MAP4K1: variants seen among roughly 807,000 people sequenced by gnomAD.
MAP4K1 encodes mitogen-activated protein kinase kinase kinase kinase 1.
MAP4K1 carries 35 observed loss-of-function variants against 122.8 expected under a neutral mutation model. The observed-to-expected ratio is 0.29, with a 90% CI of 0.22 to 0.38. The LOEUF is 0.38. Among genes scored for constraint, MAP4K1 ranks in the 10% least tolerant of loss-of-function variants. The pLI, the probability that MAP4K1 is intolerant of heterozygous loss-of-function variation, is 1.00. For missense variants in MAP4K1, 791 were observed against 1,072.6 expected, an observed-to-expected ratio of 0.74 and a Z score of 3.67; for synonymous variants, 412 against 421.3, an observed-to-expected ratio of 0.98 and a Z score of 0.27.
Position 38,597,124 on chromosome 19 carries a change from G to T in MAP4K1, c.1851C>A (p.Ser617Arg), listed in dbSNP as rs1974914313. Reference sequence around the variant, plus strand: ...CACCGCACAGGAACGGGCCCCCAGAGCTCGCACCCTCCGCTGTGGCATGGG... The same window carrying T: ...CACCGCACAGGAACGGGCCCCCAGATCTCGCACCCTCCGCTGTGGCATGGG... ...CRACCVAEGA[S>R]SGGPFLCGAL... is the part of the protein sequence containing the mutation. The change falls in exon 25 of 31, where the codon AGC (serine) becomes AGA (arginine). Residue 617 changes from serine (S) to arginine (R), a missense_variant. Ser to Arg is a moderately radical substitution (Grantham distance 110). Coordinates refer to ENST00000396857, the MANE Select transcript of MAP4K1 (RefSeq NM_001042600.3). This position sits in a 1 kb window ranked among gnomAD's most constrained non-coding sequence, Gnocchi z 4.6. 1 of 1,614,064 alleles carries T rather than the reference G, an allele frequency of 6.2e-7. No homozygotes were observed.
intron 22 of MAP4K1, among the ~76,000 whole-genome samples, chr19:38,598,086 A>G (rs1974943543): frequency 6.6e-6 from 1 of 152,124 alleles, no homozygotes; most frequent in Non-Finnish European, 1.5e-5. Context: ...GCTGGAGTGC[A>G]GTGGTATAAT....
intron 20 of MAP4K1, 175 bp downstream of exon 20, chr19:38,601,266 G>C: frequency 1.7e-6 from 1 of 580,610 alleles, no homozygotes; most frequent in Admixed American, 3.4e-5. Flanking sequence ...ATGCATCTTT[G>C]ATCACCAAAT....
chr19:38,599,827 C>G (rs1975006417), intron 22 of MAP4K1, 98 bp downstream of exon 22: 1 of 1,146,528 alleles, frequency 8.7e-7, no homozygotes, highest in Admixed American at 1.7e-5. Flanking sequence ...ACCAAGCAGT[C>G]TAAGTTTTTT....
rs751933901 is a variant in MAP4K1, at chr19:38,587,712, G to A, written c.*36C>T. 1.3e-6 allele frequency: 2 copies of A among 1,500,542 alleles called. No individual in the cohort carries two copies. The highest frequency in any genetic ancestry group is 1.9e-6 in the Non-Finnish European group (2 of 1,077,226). 93.0% of individuals were successfully genotyped at this position (1,500,542 alleles called of 1,614,324 possible). A position where few individuals can be genotyped will look rare whatever the true frequency, so the allele number is the denominator to read the frequency against. On this transcript the variant is annotated 3_prime_UTR_variant, in exon 31 of 31. Coordinates refer to ENST00000396857, the MANE Select transcript of MAP4K1 (RefSeq NM_001042600.3). ...CCACTAGTGTGTCTATGGGGGAGGG[G>A]GTGCAAGGACTAGTTCCTGACACCC...
chr19:38,611,706 G>A (rs1008927374), intron 9 of MAP4K1, among the ~76,000 whole-genome samples: 2 of 152,142 alleles, frequency 1.3e-5, no homozygotes, highest in South Asian at 2.1e-4. Flanking sequence ...TTTGAGCCCC[G>A]GCATTCAAGG....
rs905375793 is a variant in MAP4K1, at chr19:38,605,349, C to A, written c.1446+60G>T. 9 of 1,297,892 alleles carry A rather than the reference C, an allele frequency of 6.9e-6. No homozygotes were observed. In the African/African-American group the frequency reaches 8.8e-5, roughly 13 times the overall value. The allele number at this position is 1,297,892 out of a possible 1,614,324, so 80.4% of individuals were successfully genotyped here. A position where few individuals can be genotyped will look rare whatever the true frequency, so the allele number is the denominator to read the frequency against. ...GTCAGTCCTGCCACCCCCTCCCCAC[C>A]CCACCAGGCATCCCCAGCCCCGTCC... On this transcript the variant is annotated intron_variant, in intron 19 of 30. Coordinates refer to ENST00000396857, the MANE Select transcript of MAP4K1 (RefSeq NM_001042600.3).
intron 30 of MAP4K1, among the ~76,000 whole-genome samples, chr19:38,591,970 C>CA (rs34002038): frequency 0.043 from 3,663 of 84,908 alleles, 92 homozygotes; most frequent in East Asian, 0.1. Context: ...GAATCCGTCT[C>CA]AAAAAAAAAA....
chr19:38,598,257 C>A (rs923575928), intron 22 of MAP4K1, among the ~76,000 whole-genome samples: 1 of 152,044 alleles, frequency 6.6e-6, no homozygotes, highest in African/African-American at 2.4e-5. Context: ...TCTCGAACTA[C>A]TGACCTCAGG....
Position 38,601,568 on chromosome 19 carries a change from A to G in MAP4K1, c.1447-43T>C, listed in dbSNP as rs536832350. ...GGGCCAGGCAGCAGATCCGGCAAAG[A>G]GAGCAGGGAACAGGAAGGGGCAGTG... On this transcript the variant is annotated intron_variant, in intron 19 of 30. Transcript: ENST00000396857. 5 of 1,481,542 alleles carry G rather than the reference A, an allele frequency of 3.4e-6. No homozygotes were observed. In the African/African-American group the frequency reaches 6.9e-5, roughly 20 times the overall value. 91.8% of individuals were successfully genotyped at this position (1,481,542 alleles called of 1,614,324 possible). A position where few individuals can be genotyped will look rare whatever the true frequency, so the allele number is the denominator to read the frequency against.
chr19:38,603,150 A>ATATACATG (rs1216625971), intron 19 of MAP4K1, among the ~76,000 whole-genome samples: 1 of 148,340 alleles, frequency 6.7e-6, no homozygotes, highest in Non-Finnish European at 1.5e-5. Context: ...ATATACACAC[A>ATATACATG]TATACATGTA....
intron 30 of MAP4K1, chr19:38,589,050 A>G (rs990322761): frequency 2.6e-5 from 4 of 152,346 alleles, no homozygotes; most frequent in Non-Finnish European, 5.9e-5. Context: ...GCCAACTAAC[A>G]CACGCAGAAG....
chr19:38,610,059 G>A (rs1472208160), intron 11 of MAP4K1, 34 bp from the exon 12 acceptor site: 7 of 1,474,464 alleles, frequency 4.7e-6, no homozygotes, highest in Non-Finnish European at 6.6e-6. Flanking sequence ...TATCCAGAGG[G>A]ATGGTGTGGA....
intron 30 of MAP4K1, among the ~76,000 whole-genome samples, chr19:38,590,394 AATATATATAT>A (rs1163055879): frequency 2.8e-3 from 49 of 17,276 alleles, no homozygotes; most frequent in East Asian, 0.012. Flanking sequence ...AAAAAAAAAA[AATATATATAT>A]ATATATATAT....
chr19:38,608,206 TG>T, intron 13 of MAP4K1, 36 bp from the exon 14 acceptor site: 8 of 1,063,690 alleles, frequency 7.5e-6, no homozygotes, highest in Non-Finnish European at 1.0e-5. Flanking sequence ...TGCTGTGAGC[TG>T]GGGGCAAGGG....
intron 11 of MAP4K1, among the ~76,000 whole-genome samples, chr19:38,610,676 A>G (rs1975471183): frequency 6.6e-6 from 1 of 152,070 alleles, no homozygotes; most frequent in South Asian, 2.1e-4. Flanking sequence ...GTGAGCCACC[A>G]TGCCCAGCCG....
At chr19:38,589,275 C>G (rs1202528085) in intron 30 of MAP4K1, 2 of 254,722 alleles carry the variant, frequency 7.9e-6, no homozygotes, top group Non-Finnish European at 1.6e-5. Context: ...TGCACTCCAG[C>G]CTGGGGGACA....
Position 38,614,615 on chromosome 19 carries a change from C to T in MAP4K1, c.314-170G>A. On this transcript the variant is annotated intron_variant, in intron 4 of 30. Coordinates refer to ENST00000396857, the MANE Select transcript of MAP4K1 (RefSeq NM_001042600.3). Reference sequence around the variant, plus strand: ...GGTGGTCAGTGACAGAAAGAGGCAGCAATGCAAATAAAAGAGGCCAATAGG... The same window carrying T: ...GGTGGTCAGTGACAGAAAGAGGCAGTAATGCAAATAAAAGAGGCCAATAGG... The T allele has an allele frequency of 1.6e-5, 11 of 695,516 alleles. No individual in the cohort carries two copies. The South Asian group carries it at 1.9e-4, about 12-fold the overall frequency. 43.1% of individuals were successfully genotyped at this position (695,516 alleles called of 1,614,324 possible).
rs1004502731 is a variant in MAP4K1 at position 38,600,893 on chromosome 19, C to T, written c.1531+548G>A. On this transcript the variant is annotated intron_variant, in intron 20 of 30. Transcript: ENST00000396857. ...TGATCTCAGCTCACTGCAACTTCCG[C>T]CCCCTGGATTCAAGCAATTATCCTG... 2.0e-5 allele frequency among the ~76,000 whole-genome samples: 3 copies of T among 151,218 alleles called. No individual in the cohort carries two copies. The Admixed American group carries it at 2.0e-4, about 10-fold the overall frequency.
rs1599723985 is a variant in MAP4K1 at position 38,617,249 on chromosome 19, A to G, written c.248+105T>C. 1 of 805,592 alleles carries G rather than the reference A, an allele frequency of 1.2e-6. No homozygotes were observed. The allele number at this position is 805,592 out of a possible 1,614,324, so 49.9% of individuals were successfully genotyped here. The stretch of plus-strand genomic sequence containing the variant: ...ACAGAACAAGACTCCATCTCAAAAA[A>G]GAAAAAGAAAAGAAAAAAAAAGAAC... On this transcript the variant is annotated intron_variant, in intron 3 of 30. Transcript: ENST00000396857. This position sits in a 1 kb window ranked among gnomAD's most constrained non-coding sequence, Gnocchi z 4.1.
Sources: allele counts gnomAD v4.1 joint callset (sites outside exome capture counted in the v4.1 genomes callset), GRCh38; gene constraint gnomAD v4.1.1; non-coding constraint Gnocchi (gnomAD v3.1); transcripts MANE v1.5; gene names NCBI Gene and HGNC (gene_info 2026-07-23, HGNC 2026-07-21).